Variants in BLVRA observed in about 807,000 individuals in gnomAD.
BLVRA encodes biliverdin reductase A.
A neutral mutation model predicts 32.8 loss-of-function variants in BLVRA; 22 were observed. The ratio of observed to expected loss-of-function variants is 0.67; its 90% CI spans 0.48 to 0.96. The LOEUF (loss-of-function observed/expected upper bound fraction) is 0.96. Among genes scored for constraint, BLVRA ranks in the 40% least tolerant of loss-of-function variants. The pLI, the probability that BLVRA is intolerant of heterozygous loss-of-function variation, is 0.00. For missense variants in BLVRA, 323 were observed against 358.1 expected, an observed-to-expected ratio of 0.90 and a Z score of 0.79; for synonymous variants, 119 against 141.3, an observed-to-expected ratio of 0.84 and a Z score of 1.12.
intron 7 of BLVRA, 62 bp from the exon 8 acceptor site, chr7:43,806,915 A>G (rs1309270607): frequency 6.3e-7 from 1 of 1,596,318 alleles, no homozygotes; most frequent in Non-Finnish European, 8.6e-7. Flanking sequence ...TGGTGCCAGC[A>G]AGCACCCACT....
intron 6 of BLVRA, 30 bp downstream of exon 6, chr7:43,800,602 T>C: frequency 6.3e-7 from 1 of 1,583,746 alleles, no homozygotes; most frequent in Non-Finnish European, 8.7e-7. Context: ...ACAGGTCACA[T>C]GTGAGGTCCA....
chr7:43,777,469 C>T (rs1307637975), intron 2 of BLVRA, among the ~76,000 whole-genome samples: 2 of 151,386 alleles, frequency 1.3e-5, no homozygotes, highest in South Asian at 4.2e-4. Flanking sequence ...TGAATATTGG[C>T]CCCCACTCTC....
At chr7:43,778,576 G>T (rs1020328016) in intron 2 of BLVRA, among the ~76,000 whole-genome samples, 1 of 152,232 alleles carries the variant, frequency 6.6e-6, no homozygotes, top group East Asian at 1.9e-4. Flanking sequence ...CTACTTGGGG[G>T]TGCCTCCCAG....
chr7:43,777,282 G>A (rs1239984998), intron 2 of BLVRA, among the ~76,000 whole-genome samples: 3 of 151,860 alleles, frequency 2.0e-5, no homozygotes, highest in African/African-American at 4.8e-5. Flanking sequence ...GGCTGGTACC[G>A]GTTGTTCCTT....
Position 43,784,325 on chromosome 7 carries a change from C to T in BLVRA, c.13-3579C>T, listed in dbSNP as rs565340333. Among the ~76,000 whole-genome samples, 9 of 152,276 alleles carry T rather than the reference C, an allele frequency of 5.9e-5. No individual in the cohort carries two copies. The East Asian group carries it at 1.2e-3, about 20-fold the overall frequency. On this transcript the variant is annotated intron_variant, in intron 2 of 7. Coordinates refer to ENST00000265523, the MANE Select transcript of BLVRA (RefSeq NM_000712.4). ...TCCACTGGGCGTTTCTCACTGGCTT[C>T]CTTCTCTGCAGATTTTAGCCTTTTG... is the stretch of plus-strand genomic sequence containing the variant.
intron 1 of BLVRA, among the ~76,000 whole-genome samples, chr7:43,765,713 G>C (rs1261904643): frequency 6.6e-6 from 1 of 152,130 alleles, no homozygotes; most frequent in Non-Finnish European, 1.5e-5. Context: ...AAATTAATGA[G>C]AGAACTTGAA....
At chr7:43,806,298 G>C (rs1317165731) in intron 7 of BLVRA, among the ~76,000 whole-genome samples, 3 of 151,790 alleles carry the variant, frequency 2.0e-5, no homozygotes, top group African/African-American at 7.3e-5. Context: ...GGCAACAAGA[G>C]CAAACATCTC....
intron 6 of BLVRA, among the ~76,000 whole-genome samples, chr7:43,802,674 GT>G (rs1456994782): frequency 6.6e-6 from 1 of 151,948 alleles, no homozygotes; most frequent in East Asian, 1.9e-4. Flanking sequence ...AATTTTGTGT[GT>G]TTTTTTGTAG....
intron 7 of BLVRA, among the ~76,000 whole-genome samples, chr7:43,804,213 T>G (rs1322519634): frequency 1.3e-5 from 2 of 152,156 alleles, no homozygotes; most frequent in Non-Finnish European, 2.9e-5. Flanking sequence ...AGGCCAAGGG[T>G]GGTGGATCAC....
intron 2 of BLVRA, among the ~76,000 whole-genome samples, chr7:43,784,595 T>C (rs1275473699): frequency 7.4e-6 from 1 of 134,810 alleles, no homozygotes; most frequent in Non-Finnish European, 1.5e-5. Flanking sequence ...TCTTCACTCA[T>C]ATCTTTTTTT....
chr7:43,805,455 G>T (rs369925938), intron 7 of BLVRA, among the ~76,000 whole-genome samples: 3 of 151,884 alleles, frequency 2.0e-5, no homozygotes, highest in East Asian at 3.9e-4. Context: ...GCTCATTTTT[G>T]TATTGTTAGT....
At chr7:43,772,385 T>G (rs1467189684) in intron 2 of BLVRA, among the ~76,000 whole-genome samples, 1 of 152,162 alleles carries the variant, frequency 6.6e-6, no homozygotes. Flanking sequence ...TCTCCTTCGG[T>G]CTTATTGGCC....
At chr7:43,802,761 G>A (rs1047107265) in intron 6 of BLVRA, among the ~76,000 whole-genome samples, 2 of 151,828 alleles carry the variant, frequency 1.3e-5, no homozygotes, top group African/African-American at 2.4e-5. Context: ...TTGGCCTCCC[G>A]AAGTGCTGGT....
At chr7:43,803,580 C>A in intron 6 of BLVRA, 96 bp from the exon 7 acceptor site, 1 of 1,395,668 alleles carries the variant, frequency 7.2e-7, no homozygotes, top group Non-Finnish European at 1.0e-6. Context: ...CACTCGGCCA[C>A]ATCTTTTCAC....
chr7:43,791,084 T>A (rs1466811137), intron 3 of BLVRA, among the ~76,000 whole-genome samples, 165 bp from the exon 4 acceptor site: 1 of 152,180 alleles, frequency 6.6e-6, no homozygotes, highest in African/African-American at 2.4e-5. Context: ...TCTGAGGCTA[T>A]TTTTCTCACT....
chr7:43,800,036 A>C (rs1213684318), intron 5 of BLVRA, among the ~76,000 whole-genome samples: 1 of 151,958 alleles, frequency 6.6e-6, no homozygotes, highest in African/African-American at 2.4e-5. Context: ...GCCCACTGCA[A>C]TTTCTGCCTC....
chr7:43,803,854 C>A lies in BLVRA; in HGVS notation c.632+7C>A. On this transcript the variant is annotated splice_region_variant and intron_variant, in intron 7 of 7. Transcript: ENST00000265523. ...TGGAGACAGAGAAGAAAAGGTAAGT[C>A]ATGAGAAGCCATGAGGAGGAGGAAA... 6.2e-7 allele frequency: 1 copy of A among 1,613,536 alleles called. No individual in the cohort carries two copies. Among genetic ancestry groups the A allele is most frequent in the South Asian group, 1.1e-5 (1 of 91,016 alleles).
chr7:43,784,692 C>T (rs762046556), intron 2 of BLVRA, among the ~76,000 whole-genome samples: 15 of 149,784 alleles, frequency 1.0e-4, no homozygotes, highest in Non-Finnish European at 1.8e-4. Context: ...CAACCCCTGC[C>T]TCCCCGGTTC....
In BLVRA at chr7:43,791,324, C is replaced by T. The variant is rs2095785672; in HGVS notation, c.210C>T (p.Val70=). Residue 70 remains valine (V), a synonymous_variant, in exon 4 of 8, where the codon GTC becomes GTT. Transcript: ENST00000265523. ...CTCTTTCCAGCCAAGAGGTGGAGGT[C>T]GCCTATATCTGCAGTGAGAGCTCCA... is the stretch of plus-strand genomic sequence containing the variant. ...EDALSSQEVE[V]AYICSESSSH... is the part of the protein sequence containing the mutation. 9.3e-6 allele frequency: 15 copies of T among 1,614,146 alleles called. No homozygotes were observed. Among genetic ancestry groups the T allele is most frequent in the African/African-American group, 2.7e-5 (2 of 75,038 alleles).
Sources: gnomAD v4.1 joint callset for allele counts (sites outside exome capture counted in the v4.1 genomes callset) on GRCh38, gnomAD v4.1.1 for gene constraint, MANE v1.5 for transcripts, NCBI Gene and HGNC (gene_info 2026-07-23, HGNC 2026-07-21) for gene names.